Variants in ANKRD11 observed in about 807,000 individuals in gnomAD.
ANKRD11 encodes ankyrin repeat domain 11.
A neutral mutation model predicts 195.7 loss-of-function variants in ANKRD11; 17 were observed. That is an observed-to-expected ratio of 0.09 (90% CI 0.06 to 0.13). The LOEUF (loss-of-function observed/expected upper bound fraction) is 0.13. Ranked by LOEUF, ANKRD11 falls within the 10% of genes least tolerant of loss-of-function variation. The pLI is 1.00. For missense variants in ANKRD11, 3,735 were observed against 3,566.1 expected (o/e 1.05, Z -1.21); for synonymous variants, 1,953 against 1,528.1 (o/e 1.28, Z -6.49).
At position 89,448,802 on chromosome 16, in the gene ANKRD11, G is replaced by A. The variant is rs532791033; in HGVS notation, c.-144-30434C>T. 3.9e-5 allele frequency among the ~76,000 whole-genome samples: 6 copies of A among 152,240 alleles called. No homozygotes were observed. In the South Asian group the frequency reaches 6.2e-4, roughly 16 times the overall value. ...GAAAAACCCTCACCAGCACCGCCCC[G>A]TCCACCGGAGCGCACGTGAGTCCCG... On this transcript the variant is annotated intron_variant, in intron 1 of 12. Transcript: ENST00000301030.
intron 2 of ANKRD11, among the ~76,000 whole-genome samples, chr16:89,404,669 G>A (rs1204287230): frequency 1.3e-5 from 2 of 152,226 alleles, no homozygotes; most frequent in African/African-American, 4.8e-5. Flanking sequence ...GAGAAACTCT[G>A]GATGCCACAA....
At chr16:89,459,311 G>A (rs1351965109) in intron 1 of ANKRD11, 1 of 166,334 alleles carries the variant, frequency 6.0e-6, no homozygotes, top group African/African-American at 2.4e-5. Flanking sequence ...AGAGAATTCA[G>A]ACCCATCTTC....
intron 9 of ANKRD11, among the ~76,000 whole-genome samples, chr16:89,275,680 G>A (rs1423567865): frequency 6.6e-6 from 1 of 152,096 alleles, no homozygotes; most frequent in Non-Finnish European, 1.5e-5. Flanking sequence ...GTGGCTCGGG[G>A]GAGGGAAGCA....
chr16:89,399,443 T>C (rs773865953), intron 2 of ANKRD11, among the ~76,000 whole-genome samples: 1 of 152,038 alleles, frequency 6.6e-6, no homozygotes. Flanking sequence ...GACTCTGACA[T>C]CCAGGAAAGG....
At chr16:89,482,348 A>G (rs570680324) in intron 1 of ANKRD11, among the ~76,000 whole-genome samples, 1 of 152,308 alleles carries the variant, frequency 6.6e-6, no homozygotes, top group East Asian at 1.9e-4. Flanking sequence ...AAAAAAGATG[A>G]CTGCCCTCAT....
intron 3 of ANKRD11, chr16:89,313,719 T>C (rs1318965586): frequency 4.4e-6 from 3 of 684,828 alleles, no homozygotes; most frequent in East Asian, 1.3e-4. Context: ...ACCTGAGTTC[T>C]GGCACTTGGG....
At chr16:89,478,850 C>G (rs1166823130) in intron 1 of ANKRD11, among the ~76,000 whole-genome samples, 1 of 152,244 alleles carries the variant, frequency 6.6e-6, no homozygotes, top group African/African-American at 2.4e-5. Context: ...CTAAATTTCT[C>G]AAGGATGAGG....
At chr16:89,377,841 C>A (rs1178821413) in intron 2 of ANKRD11, among the ~76,000 whole-genome samples, 1 of 151,980 alleles carries the variant, frequency 6.6e-6, no homozygotes. Flanking sequence ...GCCTCTCCTG[C>A]CTCCCCTTCT....
chr16:89,276,167 T>G (rs1253753057), intron 9 of ANKRD11, among the ~76,000 whole-genome samples: 1 of 152,120 alleles, frequency 6.6e-6, no homozygotes, highest in Non-Finnish European at 1.5e-5. Flanking sequence ...GAAGAGCTCC[T>G]GACAGCCAAG....
At chr16:89,383,271 A>C (rs2040744927) in intron 2 of ANKRD11, among the ~76,000 whole-genome samples, 2 of 152,222 alleles carry the variant, frequency 1.3e-5, no homozygotes, top group Non-Finnish European at 2.9e-5. Context: ...CGGCTCTGCC[A>C]GAAGCACTGC....
At chr16:89,465,393 A>G (rs1254531266) in intron 1 of ANKRD11, among the ~76,000 whole-genome samples, 1 of 152,242 alleles carries the variant, frequency 6.6e-6, no homozygotes, top group East Asian at 1.9e-4. Flanking sequence ...CATGAATTAG[A>G]CTGGCGTTGG....
chr16:89,314,151 G>A (rs185470441), intron 3 of ANKRD11, among the ~76,000 whole-genome samples: 183 of 152,052 alleles, frequency 1.2e-3, no homozygotes, highest in Non-Finnish European at 1.6e-3. Flanking sequence ...TTGAGCCTGG[G>A]GCAGTGGGGC....
At chr16:89,337,720 G>A (rs911315910) in intron 2 of ANKRD11, among the ~76,000 whole-genome samples, 3 of 152,114 alleles carry the variant, frequency 2.0e-5, no homozygotes, top group Admixed American at 6.5e-5. Context: ...GATTACAGGC[G>A]TAAGCCACTG....
intron 2 of ANKRD11, among the ~76,000 whole-genome samples, chr16:89,384,111 T>C (rs1304040732): frequency 1.3e-5 from 2 of 152,046 alleles, no homozygotes; most frequent in African/African-American, 4.8e-5. Context: ...TCCCAGCTAC[T>C]CAGGAGGCCG....
chr16:89,375,728 T>C (rs2040396033), intron 2 of ANKRD11, among the ~76,000 whole-genome samples: 1 of 140,000 alleles, frequency 7.1e-6, no homozygotes, highest in Non-Finnish European at 1.5e-5. Context: ...AGTGCTGAGA[T>C]TACAAGCATG....
intron 2 of ANKRD11, among the ~76,000 whole-genome samples, chr16:89,377,544 C>A (rs988186699): frequency 6.6e-6 from 1 of 152,092 alleles, no homozygotes; most frequent in African/African-American, 2.4e-5. Context: ...TAAGAGATAC[C>A]ACACCAGAGA....
intron 3 of ANKRD11, chr16:89,313,255 G>C (rs911456890): frequency 4.0e-6 from 5 of 1,259,086 alleles, no homozygotes; most frequent in Non-Finnish European, 5.2e-6. Context: ...CTGTGCCATG[G>C]GGTGGGGACG....
intron 1 of ANKRD11, among the ~76,000 whole-genome samples, chr16:89,468,946 A>T (rs939113247): frequency 6.6e-6 from 1 of 152,238 alleles, no homozygotes; most frequent in Non-Finnish European, 1.5e-5. Context: ...AAATAAATGT[A>T]AAAGAAAACT....
chr16:89,390,502 A>G (rs1485630404), intron 2 of ANKRD11, among the ~76,000 whole-genome samples: 1 of 152,168 alleles, frequency 6.6e-6, no homozygotes, highest in Non-Finnish European at 1.5e-5. Context: ...TAAAGCCTGA[A>G]CATTTCCACA....
Sources: gnomAD v4.1 joint callset for allele counts (sites outside exome capture counted in the v4.1 genomes callset) on GRCh38, gnomAD v4.1.1 for gene constraint, MANE v1.5 for transcripts, NCBI Gene and HGNC (gene_info 2026-07-23, HGNC 2026-07-21) for gene names.